Variants in SLC37A1 observed in about 807,000 individuals in gnomAD.
SLC37A1 encodes the protein glucose-6-phosphate exchanger SLC37A1.
A neutral mutation model predicts 75.3 loss-of-function variants in SLC37A1; 49 were observed. That is an observed-to-expected ratio of 0.65 (90% CI 0.52 to 0.83). The LOEUF is 0.83. Ranked by LOEUF, SLC37A1 falls within the 40% of genes least tolerant of loss-of-function variation. The pLI is 0.00. For missense variants in SLC37A1, 566 were observed against 695.0 expected, an observed-to-expected ratio of 0.81 and a Z score of 2.09; for synonymous variants, 268 against 292.1, an observed-to-expected ratio of 0.92 and a Z score of 0.84.
intron 7 of SLC37A1, 100 bp from the exon 8 acceptor site, chr21:42,543,336 C>A: frequency 7.2e-7 from 1 of 1,384,652 alleles, no homozygotes; most frequent in Non-Finnish European, 1.0e-6. Flanking sequence ...GTTGATTCTG[C>A]GCCGACTCCC....
At position 42,552,536 on chromosome 21, in the gene SLC37A1, AG is replaced by A. The variant is rs2146937050; in HGVS notation, c.769-1524del. Among the ~76,000 whole-genome samples, 1 of 152,350 alleles carries A rather than the reference AG, an allele frequency of 6.6e-6. No homozygotes were observed. The highest frequency in any genetic ancestry group is 1.5e-5 in the Non-Finnish European group (1 of 68,034). ...TATTCCAACCAATTAGAACAGTGCC[AG>A]GCACAGAGTTGATGCTTAATAATTA... is the stretch of plus-strand genomic sequence containing the variant. On this transcript the variant is annotated intron_variant, in intron 9 of 19. Transcript: ENST00000352133. This position sits in a 1 kb window ranked among gnomAD's most constrained non-coding sequence, Gnocchi z 4.2.
chr21:42,527,593 C>T (rs2146773320), intron 3 of SLC37A1, among the ~76,000 whole-genome samples: 1 of 152,244 alleles, frequency 6.6e-6, no homozygotes, highest in East Asian at 1.9e-4. Flanking sequence ...TGCGAGTGCC[C>T]CTGTGAGGAA....
intron 11 of SLC37A1, among the ~76,000 whole-genome samples, chr21:42,560,798 C>T (rs772575432): frequency 1.5e-4 from 23 of 152,198 alleles, no homozygotes; most frequent in Non-Finnish European, 3.1e-4. Flanking sequence ...GCTGTACCTT[C>T]CTCTGTAGCT....
At chr21:42,534,196 T>C in intron 3 of SLC37A1, among the ~76,000 whole-genome samples, 1 of 152,232 alleles carries the variant, frequency 6.6e-6, no homozygotes, top group East Asian at 1.9e-4. Context: ...AGTGGAATGC[T>C]GCAGTCTGTA....
Position 42,554,405 on chromosome 21 carries a change from C to T in SLC37A1, c.849+263C>T, listed in dbSNP as rs1216880374. 4.6e-5 allele frequency among the ~76,000 whole-genome samples: 7 copies of T among 152,298 alleles called. No homozygotes were observed. The South Asian group carries it at 6.2e-4, about 14-fold the overall frequency. On this transcript the variant is annotated intron_variant, in intron 10 of 19. Coordinates refer to ENST00000352133, the MANE Select transcript of SLC37A1 (RefSeq NM_001320537.2). Reference sequence around the variant, plus strand: ...CAGGCACTATTCCAGGTGTTGGGGGCGGTGCTGGTGTAGACGGAACGCAGG... The same window carrying T: ...CAGGCACTATTCCAGGTGTTGGGGGTGGTGCTGGTGTAGACGGAACGCAGG...
chr21:42,522,215 T>G (rs1179100938), intron 2 of SLC37A1, among the ~76,000 whole-genome samples: 1 of 152,230 alleles, frequency 6.6e-6, no homozygotes, highest in Non-Finnish European at 1.5e-5. Context: ...TAAGGTCACG[T>G]TCTGAGGTTT....
chr21:42,573,904 A>T (rs2056247096), intron 17 of SLC37A1, among the ~76,000 whole-genome samples: 1 of 152,216 alleles, frequency 6.6e-6, no homozygotes, highest in Non-Finnish European at 1.5e-5. Context: ...GGGATACGTT[A>T]TTTGTTTTCA....
Position 42,513,915 on chromosome 21 carries a change from G to C in SLC37A1, c.-981G>C, listed in dbSNP as rs1486656874. 3 of 146,648 alleles carry C rather than the reference G, an allele frequency of 2.0e-5. No homozygotes were observed. The highest frequency in any genetic ancestry group is 4.6e-5 in the Non-Finnish European group (3 of 65,710). 9.1% of individuals were successfully genotyped at this position (146,648 alleles called of 1,614,324 possible). On this transcript the variant is annotated 5_prime_UTR_variant, in exon 1 of 20. Transcript: ENST00000352133. ...GGCTGGGCTGCGGAGCGCGGGCCTC[G>C]GCGGCGCAGGTGAGGCGCGGGGCCG...
At chr21:42,536,345 GGCCTGTGCTGCCAGCCCA>G (rs1569003461) in intron 5 of SLC37A1, among the ~76,000 whole-genome samples, 1 of 152,224 alleles carries the variant, frequency 6.6e-6, no homozygotes, top group Non-Finnish European at 1.5e-5. Context: ...AACGGTGCCT[GGCCTGTGCTGCCAGCCCA>G]GCCCATTCTT....
At chr21:42,520,637 G>A (rs1052408372) in intron 2 of SLC37A1, among the ~76,000 whole-genome samples, 2 of 152,066 alleles carry the variant, frequency 1.3e-5, no homozygotes, top group African/African-American at 4.8e-5. Context: ...AGAGAAGGGT[G>A]TGTGTGTGCG....
chr21:42,562,778 G>GGTGC (rs201847578), intron 12 of SLC37A1, among the ~76,000 whole-genome samples: 5 of 151,720 alleles, frequency 3.3e-5, no homozygotes, highest in African/African-American at 4.8e-5. Context: ...TGGCTGAGAG[G>GGTGC]AAGCGGGGAT....
intron 18 of SLC37A1, among the ~76,000 whole-genome samples, chr21:42,577,979 G>A (rs1353513629): frequency 2.0e-5 from 3 of 152,254 alleles, no homozygotes; most frequent in African/African-American, 7.2e-5. Context: ...AACTATACCA[G>A]GATGTGCAGC....
At chr21:42,554,759 C>T (rs1422791481) in intron 10 of SLC37A1, among the ~76,000 whole-genome samples, 1 of 152,280 alleles carries the variant, frequency 6.6e-6, no homozygotes, top group East Asian at 1.9e-4. Flanking sequence ...CCTTGTCATC[C>T]GCGGTAGCAG....
intron 10 of SLC37A1, among the ~76,000 whole-genome samples, chr21:42,554,555 G>T (rs2055635633): frequency 6.6e-6 from 1 of 152,228 alleles, no homozygotes; most frequent in Non-Finnish European, 1.5e-5. Context: ...GGACTGGAGG[G>T]AGAGTCTGCA....
chr21:42,499,641 C>G lies in SLC37A1; in HGVS notation c.-403C>G, dbSNP rs559797426. 10 of 152,356 alleles carry G rather than the reference C, an allele frequency of 6.6e-5. No homozygotes were observed. In the East Asian group the frequency reaches 1.9e-3, roughly 29 times the overall value. 9.4% of individuals were successfully genotyped at this position (152,356 alleles called of 1,614,324 possible). A position where few individuals can be genotyped will look rare whatever the true frequency, so the allele number is the denominator to read the frequency against. On this transcript the variant is annotated 5_prime_UTR_variant, in exon 1 of 21. Transcript: ENST00000398341. Reference sequence around the variant, plus strand: ...TCCCATAACCCCCAAGTGGGAAGTTCGCGCAAGTGCGGCTCTGCAGGGAGG... The same window carrying G: ...TCCCATAACCCCCAAGTGGGAAGTTGGCGCAAGTGCGGCTCTGCAGGGAGG...
intron 15 of SLC37A1, 46 bp from the exon 16 acceptor site, chr21:42,566,939 T>C: frequency 6.3e-7 from 1 of 1,581,708 alleles, no homozygotes; most frequent in African/African-American, 1.3e-5. Context: ...CATGCGGGGC[T>C]CTCTGGAGGG....
At chr21:42,569,347 C>G (rs908666181) in intron 17 of SLC37A1, among the ~76,000 whole-genome samples, 7 of 152,336 alleles carry the variant, frequency 4.6e-5, no homozygotes, top group African/African-American at 1.7e-4. Context: ...TGGGTGCCCA[C>G]TGCTGTCTCA....
At position 42,547,327 on chromosome 21, in the gene SLC37A1, C is replaced by A; in HGVS notation, c.768+187C>A. ...TGGGTTTCGCTGATAATAACCTTAT[C>A]AGCAAAACCCAGACAAGAGGTTCAA... On this transcript the variant is annotated intron_variant, in intron 9 of 19. Coordinates refer to ENST00000352133, the MANE Select transcript of SLC37A1 (RefSeq NM_001320537.2). The surrounding 1 kb of genome is among the most constrained non-coding windows in gnomAD (Gnocchi z 6.1). 1 of 613,116 alleles carries A rather than the reference C, an allele frequency of 1.6e-6. No individual in the cohort carries two copies. Among genetic ancestry groups the A allele is most frequent in the Non-Finnish European group, 2.9e-6 (1 of 346,760 alleles). 38.0% of individuals were successfully genotyped at this position (613,116 alleles called of 1,614,324 possible).
At position 42,539,544 on chromosome 21, in the gene SLC37A1, A is replaced by G. The variant is rs942057679; in HGVS notation, c.383A>G (p.Tyr128Cys). The G allele has an allele frequency of 1.9e-6, 3 of 1,613,774 alleles. No individual in the cohort carries two copies. The highest frequency in any genetic ancestry group is 1.1e-5 in the South Asian group (1 of 91,046). The stretch of plus-strand genomic sequence containing the variant: ...ATTGGGGAGCGCCTGCCGATTAGGT[A>G]TTACCTAACTTTCGGGATGCTCGCC... ...GIIGERLPIR[Y>C]YLTFGMLASG... is the part of the protein sequence containing the mutation. Residue 128 changes from tyrosine (Y) to cysteine (C), a missense_variant, in exon 6 of 20, where the codon TAT (tyrosine) becomes TGT (cysteine). Tyr to Cys is a radical substitution (Grantham distance 194). Coordinates refer to ENST00000352133, the MANE Select transcript of SLC37A1 (RefSeq NM_001320537.2).
Sources: allele counts gnomAD v4.1 joint callset (sites outside exome capture counted in the v4.1 genomes callset), GRCh38; gene constraint gnomAD v4.1.1; non-coding constraint Gnocchi (gnomAD v3.1); transcripts MANE v1.5; gene names NCBI Gene and HGNC (gene_info 2026-07-23, HGNC 2026-07-21).